The following KCNN2 variants were observed in gnomAD, a reference collection of about 807,000 sequenced individuals.
The protein encoded by KCNN2 is small conductance calcium-activated potassium channel protein 2.
In KCNN2, 24 loss-of-function variants were observed where a neutral mutation model predicts 55.5. The observed-to-expected ratio is 0.43, with a 90% CI of 0.31 to 0.61. The LOEUF (loss-of-function observed/expected upper bound fraction) is 0.61. Among genes scored for constraint, KCNN2 ranks in the 20% least tolerant of loss-of-function variants. KCNN2 has a pLI of 0.08. For synonymous variants in KCNN2, 431 were observed against 336.1 expected, an observed-to-expected ratio of 1.28 and a Z score of -3.09; for missense variants, 754 against 853.6, an observed-to-expected ratio of 0.88 and a Z score of 1.45.
chr5:114,392,581 T>G (rs1365265932), intron 2 of KCNN2, among the ~76,000 whole-genome samples: 1 of 152,134 alleles, frequency 6.6e-6, no homozygotes, highest in Non-Finnish European at 1.5e-5. Flanking sequence ...ATTGGTGAAT[T>G]CTGAACATAG....
chr5:114,488,677 T>G (rs1410116890), intron 6 of KCNN2, among the ~76,000 whole-genome samples: 2 of 152,076 alleles, frequency 1.3e-5, no homozygotes, highest in African/African-American at 4.8e-5. Flanking sequence ...TAACCTATTT[T>G]CCTGTGGAAC....
At chr5:114,287,257 C>A (rs1261009867) in intron 2 of KCNN2, among the ~76,000 whole-genome samples, 6 of 152,156 alleles carry the variant, frequency 3.9e-5, no homozygotes, top group Non-Finnish European at 7.4e-5. Context: ...TGGGTGAATA[C>A]CCAAAGGATT....
At chr5:114,202,333 A>G (rs1753689130) in intron 1 of KCNN2, among the ~76,000 whole-genome samples, 1 of 151,660 alleles carries the variant, frequency 6.6e-6, no homozygotes, top group Non-Finnish European at 1.5e-5. Flanking sequence ...AATTTTAATC[A>G]TTTTCAACAT....
At chr5:114,333,044 C>T (rs569140767) in intron 2 of KCNN2, among the ~76,000 whole-genome samples, 1 of 152,174 alleles carries the variant, frequency 6.6e-6, no homozygotes, top group African/African-American at 2.4e-5. Context: ...GCATTTTTAC[C>T]CATAAAAATC....
At chr5:114,083,475 T>C (rs1218184161) in intron 1 of KCNN2, among the ~76,000 whole-genome samples, 1 of 152,146 alleles carries the variant, frequency 6.6e-6, no homozygotes, top group Non-Finnish European at 1.5e-5. Flanking sequence ...CAGAATATTT[T>C]CTAATTTTCC....
chr5:114,190,704 G>C (rs755746857), intron 1 of KCNN2, among the ~76,000 whole-genome samples: 3 of 151,960 alleles, frequency 2.0e-5, no homozygotes, highest in South Asian at 2.1e-4. Flanking sequence ...GTGAATTCTG[G>C]ATTATGTGTG....
intron 2 of KCNN2, among the ~76,000 whole-genome samples, chr5:114,336,265 G>C (rs1390046504): frequency 1.3e-5 from 2 of 152,198 alleles, no homozygotes; most frequent in Admixed American, 6.5e-5. Context: ...ACATCTTCAA[G>C]AAGAACATAG....
At chr5:114,467,181 C>T (rs770552271) in intron 4 of KCNN2, among the ~76,000 whole-genome samples, 15 of 152,112 alleles carry the variant, frequency 9.9e-5, no homozygotes, top group Non-Finnish European at 1.5e-4. Flanking sequence ...CCTGTTAAGT[C>T]GCTAAGAGGG....
chr5:114,157,652 T>A (rs189006321), intron 1 of KCNN2, among the ~76,000 whole-genome samples: 1 of 152,182 alleles, frequency 6.6e-6, no homozygotes, highest in African/African-American at 2.4e-5. Flanking sequence ...TTTCTCCACA[T>A]CCTCTCCAGC....
intron 3 of KCNN2, among the ~76,000 whole-genome samples, chr5:114,417,418 G>A (rs1192874441): frequency 6.6e-6 from 1 of 152,146 alleles, no homozygotes; most frequent in Non-Finnish European, 1.5e-5. Context: ...GAAGTTTGGA[G>A]GTGTCGGTGT....
At chr5:114,492,328 TTC>T (rs914347894) in intron 6 of KCNN2, among the ~76,000 whole-genome samples, 3 of 152,138 alleles carry the variant, frequency 2.0e-5, no homozygotes, top group African/African-American at 7.2e-5. Context: ...TAATAAAAAA[TTC>T]TCTCTCTAGC....
chr5:114,448,584 A>G (rs1760514654), intron 3 of KCNN2, among the ~76,000 whole-genome samples: 1 of 152,184 alleles, frequency 6.6e-6, no homozygotes, highest in Admixed American at 6.5e-5. Context: ...ATCTGTGCTC[A>G]TTCTCCTCAG....
intron 3 of KCNN2, among the ~76,000 whole-genome samples, chr5:114,441,700 G>GT (rs1385981188): frequency 3.3e-5 from 5 of 151,998 alleles, no homozygotes; most frequent in African/African-American, 1.2e-4. Context: ...TTTGGTTTCT[G>GT]TTTGTTTTTA....
At chr5:114,221,364 A>C (rs1468323604) in intron 1 of KCNN2, among the ~76,000 whole-genome samples, 4 of 152,214 alleles carry the variant, frequency 2.6e-5, no homozygotes, top group Non-Finnish European at 5.9e-5. Context: ...AATAGAATAA[A>C]ATTTTTAAAT....
At chr5:114,471,072 A>G (rs1007613147) in intron 4 of KCNN2, among the ~76,000 whole-genome samples, 1 of 152,184 alleles carries the variant, frequency 6.6e-6, no homozygotes, top group Non-Finnish European at 1.5e-5. Flanking sequence ...ATACTTTATC[A>G]TATAAAATAG....
At chr5:114,258,435 G>C (rs764468851) in intron 2 of KCNN2, among the ~76,000 whole-genome samples, 3 of 152,092 alleles carry the variant, frequency 2.0e-5, no homozygotes, top group African/African-American at 4.8e-5. Context: ...TTCTTCGTAT[G>C]TCTGGGAGAA....
chr5:114,214,496 A>G (rs1473684099), intron 1 of KCNN2, among the ~76,000 whole-genome samples: 2 of 152,094 alleles, frequency 1.3e-5, no homozygotes, highest in African/African-American at 4.8e-5. Context: ...AAGCATGGGC[A>G]TTTCAAAGCC....
intron 2 of KCNN2, among the ~76,000 whole-genome samples, chr5:114,403,162 A>T (rs1233349279): frequency 6.6e-6 from 1 of 152,112 alleles, no homozygotes; most frequent in African/African-American, 2.4e-5. Context: ...ATGGGGAATA[A>T]CTTTATTGGA....
chr5:114,371,761 C>G (rs1327731013), intron 2 of KCNN2, among the ~76,000 whole-genome samples: 1 of 152,098 alleles, frequency 6.6e-6, no homozygotes, highest in Non-Finnish European at 1.5e-5. Context: ...ATTGAATGTC[C>G]CTGATCACAT....
Sources: allele counts gnomAD v4.1 joint callset (sites outside exome capture counted in the v4.1 genomes callset), GRCh38; gene constraint gnomAD v4.1.1; transcripts MANE v1.5; gene names NCBI Gene and HGNC (gene_info 2026-07-23, HGNC 2026-07-21).